AGBL4: variants seen among roughly 807,000 people sequenced by gnomAD.
AGBL4 encodes AGBL carboxypeptidase 4.
In AGBL4, 58 loss-of-function variants were observed where a neutral mutation model predicts 66.4. The observed-to-expected ratio is 0.87, with a 90% confidence interval of 0.71 to 1.09. The LOEUF is 1.09. Ranked by LOEUF, AGBL4 falls within the 50% of genes least tolerant of loss-of-function variation. AGBL4 has a pLI of 0.00. For synonymous variants in AGBL4, 234 were observed against 222.9 expected (o/e 1.05, Z -0.44); for missense variants, 579 against 631.0 (o/e 0.92, Z 0.88).
chr1:48,823,517 TACTTC>T (rs1354436835), intron 6 of AGBL4, among the ~76,000 whole-genome samples: 2 of 152,224 alleles, frequency 1.3e-5, no homozygotes, highest in Non-Finnish European at 1.5e-5. Context: ...GTTTAGAATG[TACTTC>T]ACCTTTGTTG....
chr1:49,719,208 G>T (rs745529502), intron 2 of AGBL4, among the ~76,000 whole-genome samples: 6 of 152,078 alleles, frequency 3.9e-5, no homozygotes, highest in Non-Finnish European at 7.4e-5. Context: ...ATCTTACTAT[G>T]CTAGAAAATT....
intron 3 of AGBL4, among the ~76,000 whole-genome samples, chr1:49,380,690 A>G (rs1011389448): frequency 4.6e-5 from 7 of 152,160 alleles, no homozygotes; most frequent in Non-Finnish European, 1.0e-4. Flanking sequence ...AAATAATGCC[A>G]CATATCTGCA....
intron 2 of AGBL4, among the ~76,000 whole-genome samples, chr1:49,801,460 T>C (rs1644859143): frequency 1.3e-5 from 2 of 152,312 alleles, no homozygotes; most frequent in South Asian, 4.1e-4. Context: ...AAAAGTGTTG[T>C]TTCAAGCCAC....
intron 1 of AGBL4, among the ~76,000 whole-genome samples, chr1:49,939,842 T>G (rs970077044): frequency 6.6e-6 from 1 of 152,186 alleles, no homozygotes; most frequent in East Asian, 1.9e-4. Flanking sequence ...AAAGCCAAAA[T>G]TGACAAATGG....
chr1:48,867,053 GAATC>G (rs2148824492), intron 6 of AGBL4, 134 bp downstream of exon 6: 1 of 987,736 alleles, frequency 1.0e-6, no homozygotes, highest in Non-Finnish European at 1.6e-6. Flanking sequence ...GGGAGGAGAA[GAATC>G]ATTCATGGTG....
chr1:49,595,864 C>T (rs1454082349), intron 3 of AGBL4, among the ~76,000 whole-genome samples: 3 of 152,094 alleles, frequency 2.0e-5, no homozygotes, highest in South Asian at 2.1e-4. Context: ...TATTTTCCTT[C>T]GCCAAATCAA....
At chr1:48,748,961 G>T (rs1651215887) in intron 6 of AGBL4, among the ~76,000 whole-genome samples, 1 of 152,080 alleles carries the variant, frequency 6.6e-6, no homozygotes, top group African/African-American at 2.4e-5. Flanking sequence ...TGACACAGAT[G>T]CCTCCACAGT....
intron 1 of AGBL4, among the ~76,000 whole-genome samples, chr1:49,858,019 C>A (rs1006513534): frequency 6.6e-6 from 1 of 151,774 alleles, no homozygotes; most frequent in African/African-American, 2.4e-5. Context: ...TCAACAACAA[C>A]AAAAAAATAA....
chr1:48,785,149 T>C (rs1387321522), intron 6 of AGBL4, among the ~76,000 whole-genome samples: 1 of 152,198 alleles, frequency 6.6e-6, no homozygotes, highest in Non-Finnish European at 1.5e-5. Flanking sequence ...CAGTCCTTCT[T>C]ACACACTTCC....
Position 48,962,818 on chromosome 1 carries a change from T to C in AGBL4, c.594+82766A>G, listed in dbSNP as rs549495562. On this transcript the variant is annotated intron_variant, in intron 5 of 13. Transcript: ENST00000371839. The stretch of plus-strand genomic sequence containing the variant: ...AATTCTATATTGAGAATATGATTAC[T>C]GATTCAGCTCACAGACTCCAGAGTT... Among the ~76,000 whole-genome samples, 3 of 152,192 alleles carry C rather than the reference T, an allele frequency of 2.0e-5. No individual in the cohort carries two copies. The East Asian group carries it at 5.8e-4, about 29-fold the overall frequency.
intron 4 of AGBL4, among the ~76,000 whole-genome samples, chr1:49,176,973 C>G: frequency 6.6e-6 from 1 of 152,124 alleles, no homozygotes; most frequent in East Asian, 1.9e-4. Flanking sequence ...AGGAAACTGG[C>G]TGGATCCTAG....
chr1:48,941,462 T>G (rs1428762636), intron 5 of AGBL4, among the ~76,000 whole-genome samples: 2 of 152,308 alleles, frequency 1.3e-5, no homozygotes, highest in East Asian at 3.9e-4. Context: ...GAATAAAGTT[T>G]CAGCCTAGAA....
At chr1:49,921,258 A>C (rs889607114) in intron 1 of AGBL4, among the ~76,000 whole-genome samples, 13 of 152,188 alleles carry the variant, frequency 8.5e-5, no homozygotes, top group South Asian at 2.1e-4. Context: ...AAAAGAAAAA[A>C]AAACAAACAA....
intron 3 of AGBL4, among the ~76,000 whole-genome samples, chr1:49,503,146 C>T (rs556672226): frequency 6.6e-6 from 1 of 152,150 alleles, no homozygotes; most frequent in East Asian, 1.9e-4. Flanking sequence ...CCCAGCCACT[C>T]CAGCCATGGC....
intron 3 of AGBL4, among the ~76,000 whole-genome samples, chr1:49,379,596 T>G (rs1251547967): frequency 2.6e-5 from 4 of 152,174 alleles, no homozygotes; most frequent in African/African-American, 9.7e-5. Flanking sequence ...GAAGCGTTGT[T>G]GAATTTTGTC....
chr1:49,943,423 T>C (rs983647976), intron 1 of AGBL4, among the ~76,000 whole-genome samples: 9 of 152,166 alleles, frequency 5.9e-5, no homozygotes, highest in Non-Finnish European at 1.3e-4. Flanking sequence ...GGATTGCTCC[T>C]GCAGGACCTG....
chr1:50,009,520 A>G (rs1056973782), intron 1 of AGBL4, among the ~76,000 whole-genome samples: 1 of 152,112 alleles, frequency 6.6e-6, no homozygotes, highest in Non-Finnish European at 1.5e-5. Context: ...ATATATCTCA[A>G]CACAATAAAA....
intron 1 of AGBL4, among the ~76,000 whole-genome samples, chr1:49,889,194 C>T (rs970357866): frequency 5.9e-5 from 9 of 152,102 alleles, no homozygotes; most frequent in African/African-American, 2.2e-4. Flanking sequence ...TTTTCATCAG[C>T]CAAGTGTGGT....
chr1:49,101,120 C>T (rs776718752), intron 4 of AGBL4, among the ~76,000 whole-genome samples: 15 of 151,966 alleles, frequency 9.9e-5, no homozygotes, highest in Admixed American at 2.6e-4. Flanking sequence ...CATCCATCTA[C>T]GGGTCTCAGT....
Sources: gnomAD v4.1 joint callset for allele counts (sites outside exome capture counted in the v4.1 genomes callset) on GRCh38, gnomAD v4.1.1 for gene constraint, MANE v1.5 for transcripts, NCBI Gene and HGNC (gene_info 2026-07-23, HGNC 2026-07-21) for gene names.